Variants in CDKN1B observed in about 807,000 individuals in gnomAD.
CDKN1B encodes the protein cyclin dependent kinase inhibitor 1B.
CDKN1B carries 7 observed loss-of-function variants against 17.1 expected under a neutral mutation model. The observed-to-expected ratio is 0.41, with a 90% CI of 0.23 to 0.77. The LOEUF is 0.77. Ranked by LOEUF, CDKN1B falls within the 30% of genes least tolerant of loss-of-function variation. The pLI is 0.33. For missense variants in CDKN1B, 337 were observed against 262.0 expected (o/e 1.29, Z -1.98); for synonymous variants, 149 against 104.3 (o/e 1.43, Z -2.61).
chr12:12,720,649 C>T (rs1032746164), intron 2 of CDKN1B, among the ~76,000 whole-genome samples: 4 of 152,010 alleles, frequency 2.6e-5, no homozygotes, highest in African/African-American at 7.3e-5. Context: ...CATTTTGGGC[C>T]GAATAATTCT....
chr12:12,721,030 T>C lies in CDKN1B; in HGVS notation c.*9-6T>C, dbSNP rs1425694682. ...TTTAATTCTTCCGTTTTGTTTTCTT[T>C]TGCAGAATTAAGAATATGTTTCCTT... On this transcript the variant is annotated splice_polypyrimidine_tract_variant and splice_region_variant and intron_variant, in intron 2 of 2. Transcript: ENST00000228872. 2 of 693,876 alleles carry C rather than the reference T, an allele frequency of 2.9e-6. No individual in the cohort carries two copies. Among genetic ancestry groups the C allele is most frequent in the South Asian group, 3.3e-5 (2 of 60,326 alleles). 43.0% of individuals were successfully genotyped at this position (693,876 alleles called of 1,614,324 possible). A position where few individuals can be genotyped will look rare whatever the true frequency, so the allele number is the denominator to read the frequency against.
rs185372049 is a variant in CDKN1B, at chr12:12,719,136, G to A, written c.*8+182G>A. 26 of 683,542 alleles carry A rather than the reference G, an allele frequency of 3.8e-5. 1 individual carries two copies. The East Asian group carries it at 5.4e-4, about 14-fold the overall frequency. 42.3% of individuals were successfully genotyped at this position (683,542 alleles called of 1,614,324 possible). A position where few individuals can be genotyped will look rare whatever the true frequency, so the allele number is the denominator to read the frequency against. ...TACGGTAATTCCTCAGAGTTTCTATGCCCAGAGATACTTTCTCTTCAAACT... is the reference window on the plus strand; with the variant it reads ...TACGGTAATTCCTCAGAGTTTCTATACCCAGAGATACTTTCTCTTCAAACT... On this transcript the variant is annotated intron_variant, in intron 2 of 2. Transcript: ENST00000228872.
chr12:12,719,338 G>T, intron 2 of CDKN1B: 1 of 218,452 alleles, frequency 4.6e-6, no homozygotes, highest in Non-Finnish European at 9.4e-6. Context: ...AGCTTGAGTC[G>T]GTAACAGATT....
At chr12:12,720,682 G>C (rs1371351593) in intron 2 of CDKN1B, among the ~76,000 whole-genome samples, 1 of 152,116 alleles carries the variant, frequency 6.6e-6, no homozygotes, top group Non-Finnish European at 1.5e-5. Context: ...TGTCCTGTGT[G>C]TTTTAGATTG....
At position 12,717,569 on chromosome 12, in the gene CDKN1B, C is replaced by T. The variant is rs1002778305; in HGVS notation, c.-271C>T. 16 of 1,416,138 alleles carry T rather than the reference C, an allele frequency of 1.1e-5. No individual in the cohort carries two copies. The highest frequency in any genetic ancestry group is 1.5e-5 in the Non-Finnish European group (16 of 1,088,268). The allele number at this position is 1,416,138 out of a possible 1,614,324, so 87.7% of individuals were successfully genotyped here. ...CCAGACTCGGACGGGCTTTGCCACC[C>T]TCTCCGCTTGCCTGGTCCCCTCTCC... On this transcript the variant is annotated 5_prime_UTR_variant, in exon 1 of 3. Coordinates refer to ENST00000228872, the MANE Select transcript of CDKN1B (RefSeq NM_004064.5).
chr12:12,721,399 A>T lies in CDKN1B; in HGVS notation c.*372A>T, dbSNP rs1355570988. The T allele has an allele frequency of 2.5e-6, 1 of 404,326 alleles. No homozygotes were observed. Among genetic ancestry groups the T allele is most frequent in the Non-Finnish European group, 4.4e-6 (1 of 225,908 alleles). The allele number at this position is 404,326 out of a possible 1,614,324, so 25.0% of individuals were successfully genotyped here. A position where few individuals can be genotyped will look rare whatever the true frequency, so the allele number is the denominator to read the frequency against. ...GCTTGCTTTGATTTACAGCAAGTAG[A>T]TAAATATTTGACTTGCATGAAGAGA... On this transcript the variant is annotated 3_prime_UTR_variant, in exon 3 of 3. Transcript: ENST00000228872.
intron 2 of CDKN1B, 74 bp downstream of exon 2, chr12:12,719,028 T>A: frequency 1.3e-6 from 2 of 1,580,792 alleles, no homozygotes; most frequent in South Asian, 2.2e-5. Context: ...TCTTACTGGT[T>A]GCTGGCAAAT....
chr12:12,719,151 C>A, intron 2 of CDKN1B, 197 bp downstream of exon 2: 3 of 639,336 alleles, frequency 4.7e-6, no homozygotes, highest in Non-Finnish European at 7.9e-6. Context: ...GAGATACTTT[C>A]TCTTCAAACT....
chr12:12,718,736 A>T, intron 1 of CDKN1B, 89 bp from the exon 2 acceptor site: 1 of 1,507,444 alleles, frequency 6.6e-7, no homozygotes, highest in Non-Finnish European at 9.2e-7. Context: ...TGGGTTTTTC[A>T]TCCCCTGACT....
Position 12,717,765 on chromosome 12 carries a change from T to C in CDKN1B, c.-75T>C. 6.2e-7 allele frequency: 1 copy of C among 1,602,784 alleles called. No individual in the cohort carries two copies. Among genetic ancestry groups the C allele is most frequent in the Non-Finnish European group, 8.5e-7 (1 of 1,179,374 alleles). ...GCTTCCGAGAGGGGTTCGGGCTGCG[T>C]AGGGGCGCTTTGTTTTGTTCGGTTT... On this transcript the variant is annotated 5_prime_UTR_variant, in exon 1 of 3. Coordinates refer to ENST00000228872, the MANE Select transcript of CDKN1B (RefSeq NM_004064.5).
chr12:12,721,269 T>A lies in CDKN1B; in HGVS notation c.*242T>A. On this transcript the variant is annotated 3_prime_UTR_variant, in exon 3 of 3. Transcript: ENST00000228872. ...TTAGGTTTTTCCTTATTTGCTTCAT[T>A]GTACTACCTGTGTATATAGTTTTTA... 1.5e-6 allele frequency: 1 copy of A among 653,450 alleles called. No individual in the cohort carries two copies. Among genetic ancestry groups the A allele is most frequent in the South Asian group, 1.9e-5 (1 of 52,878 alleles). 40.5% of individuals were successfully genotyped at this position (653,450 alleles called of 1,614,324 possible).
At chr12:12,720,290 C>T (rs1946529339) in intron 2 of CDKN1B, among the ~76,000 whole-genome samples, 2 of 152,118 alleles carry the variant, frequency 1.3e-5, no homozygotes, top group Admixed American at 6.5e-5. Flanking sequence ...TGCAATGAGG[C>T]ATTTGTAGGA....
chr12:12,720,019 A>T (rs1565420455), intron 2 of CDKN1B, among the ~76,000 whole-genome samples: 1 of 152,246 alleles, frequency 6.6e-6, no homozygotes, highest in Non-Finnish European at 1.5e-5. Context: ...AAATTTTAAA[A>T]TAACAGGGAT....
At position 12,717,678 on chromosome 12, in the gene CDKN1B, C is replaced by G. The variant is rs1363622143; in HGVS notation, c.-162C>G. The G allele has an allele frequency of 1.3e-6, 2 of 1,522,806 alleles. No homozygotes were observed. Among genetic ancestry groups the G allele is most frequent in the African/African-American group, 2.8e-5 (2 of 72,292 alleles). The allele number at this position is 1,522,806 out of a possible 1,614,324, so 94.3% of individuals were successfully genotyped here. On this transcript the variant is annotated 5_prime_UTR_variant, in exon 1 of 3. Coordinates refer to ENST00000228872, the MANE Select transcript of CDKN1B (RefSeq NM_004064.5). ...GGCTTCCCCGCAGCCCCTGCGCGCT[C>G]CTAGAGCTCGGGCCGTGGCTCGTCG... is the stretch of plus-strand genomic sequence containing the variant.
Position 12,721,053 on chromosome 12 carries a change from C to G in CDKN1B, c.*26C>G, listed in dbSNP as rs553872918. ...TTTTGCAGAATTAAGAATATGTTTC[C>G]TTGTTTATCAGATACATCACTGCTT... On this transcript the variant is annotated 3_prime_UTR_variant, in exon 3 of 3. Transcript: ENST00000228872. 19 of 719,736 alleles carry G rather than the reference C, an allele frequency of 2.6e-5. No homozygotes were observed. The South Asian group carries it at 2.8e-4, about 11-fold the overall frequency. 44.6% of individuals were successfully genotyped at this position (719,736 alleles called of 1,614,324 possible).
In CDKN1B at chr12:12,722,337, T is replaced by C. The variant is rs1423249394; in HGVS notation, c.*1310T>C. On this transcript the variant is annotated 3_prime_UTR_variant, in exon 3 of 3. Coordinates refer to ENST00000228872, the MANE Select transcript of CDKN1B (RefSeq NM_004064.5). ...AAAAGATGCCAATTATTGTTACACA[T>C]TAAGTAATCAATAAAGAAAACTTCC... 6.5e-6 allele frequency: 1 copy of C among 152,680 alleles called. No homozygotes were observed. The highest frequency in any genetic ancestry group is 1.5e-5 in the Non-Finnish European group (1 of 68,036). 9.5% of individuals were successfully genotyped at this position (152,680 alleles called of 1,614,324 possible).
chr12:12,717,444 T>G lies in CDKN1B; in HGVS notation c.-396T>G, dbSNP rs1946475761. ...GGCTCGTCTTTTCGGGGTGTTTTTC[T>G]CCCCCTCCCCTGTCCCCGCTTGCTC... On this transcript the variant is annotated 5_prime_UTR_variant, in exon 1 of 3. Coordinates refer to ENST00000228872, the MANE Select transcript of CDKN1B (RefSeq NM_004064.5). 3.2e-6 allele frequency: 4 copies of G among 1,259,778 alleles called. No individual in the cohort carries two copies. The highest frequency in any genetic ancestry group is 4.0e-6 in the Non-Finnish European group (4 of 996,740). 78.0% of individuals were successfully genotyped at this position (1,259,778 alleles called of 1,614,324 possible).
Position 12,718,061 on chromosome 12 carries a change from C to T in CDKN1B, c.222C>T (p.Tyr74=), listed in dbSNP as rs1592280959. The T allele has an allele frequency of 1.1e-5, 18 of 1,614,236 alleles. No individual in the cohort carries two copies. Among genetic ancestry groups the T allele is most frequent in the Middle Eastern group, 1.6e-4 (1 of 6,062 alleles). ...ATCACAAACCCCTAGAGGGCAAGTA[C>T]GAGTGGCAAGAGGTGGAGAAGGGCA... ...FQNHKPLEGK[Y]EWQEVEKGSL... Residue 74 remains tyrosine, a synonymous_variant, in exon 1 of 3, where the codon TAC becomes TAT. Coordinates refer to ENST00000228872, the MANE Select transcript of CDKN1B (RefSeq NM_004064.5).
intron 2 of CDKN1B, chr12:12,719,381 G>C: frequency 9.8e-6 from 2 of 205,102 alleles, no homozygotes; most frequent in South Asian, 1.5e-4. Flanking sequence ...GCAAATACAT[G>C]ATTAAGTTTC....
Sources: allele counts gnomAD v4.1 joint callset (sites outside exome capture counted in the v4.1 genomes callset), GRCh38; gene constraint gnomAD v4.1.1; transcripts MANE v1.5; gene names NCBI Gene and HGNC (gene_info 2026-07-23, HGNC 2026-07-21).